SAMD4A: variants seen among roughly 807,000 people sequenced by gnomAD.
SAMD4A encodes the protein sterile alpha motif domain containing 4A.
In SAMD4A, 33 loss-of-function variants were observed where a neutral mutation model predicts 81.3. That is an observed-to-expected ratio of 0.41 (90% CI 0.31 to 0.54). The LOEUF is 0.54. Ranked by LOEUF, SAMD4A falls within the 20% of genes least tolerant of loss-of-function variation. The probability of loss-of-function intolerance (pLI) is 0.37; values close to 1 mark genes in which losing one functional copy is unlikely to be tolerated. For missense variants in SAMD4A, 854 were observed against 951.1 expected, an observed-to-expected ratio of 0.90 and a Z score of 1.34; for synonymous variants, 389 against 382.1, an observed-to-expected ratio of 1.02 and a Z score of -0.21.
intron 2 of SAMD4A, among the ~76,000 whole-genome samples, chr14:54,692,713 C>T (rs2036472455): frequency 6.6e-6 from 1 of 152,104 alleles, no homozygotes; most frequent in African/African-American, 2.4e-5. Context: ...AGAACACTTC[C>T]AGCCTCTCCT....
chr14:54,619,551 T>C (rs555132070), intron 2 of SAMD4A, among the ~76,000 whole-genome samples: 9 of 152,340 alleles, frequency 5.9e-5, no homozygotes, highest in African/African-American at 1.9e-4. Flanking sequence ...TTTTTTTTAA[T>C]TTAATTTTTT....
chr14:54,576,351 G>C (rs1303041871), intron 2 of SAMD4A, among the ~76,000 whole-genome samples: 9 of 152,114 alleles, frequency 5.9e-5, no homozygotes, highest in Admixed American at 5.9e-4. Flanking sequence ...ATTTTGAAGA[G>C]TGGTAAATGA....
intron 2 of SAMD4A, among the ~76,000 whole-genome samples, chr14:54,603,188 C>T (rs1308690475): frequency 6.6e-6 from 1 of 152,210 alleles, no homozygotes; most frequent in African/African-American, 2.4e-5. Flanking sequence ...GTTGGGTTTT[C>T]CTTTAGCTCA....
chr14:54,588,067 G>A (rs898721932), intron 2 of SAMD4A, among the ~76,000 whole-genome samples: 2 of 152,024 alleles, frequency 1.3e-5, no homozygotes, highest in Non-Finnish European at 2.9e-5. Context: ...CTCGCTGCTT[G>A]TTATTGGTCT....
intron 3 of SAMD4A, among the ~76,000 whole-genome samples, chr14:54,708,039 G>T (rs1308458347): frequency 6.6e-6 from 1 of 152,152 alleles, no homozygotes; most frequent in African/African-American, 2.4e-5. Context: ...ATTTTAAAAG[G>T]TTCTCTTTGG....
intron 2 of SAMD4A, among the ~76,000 whole-genome samples, chr14:54,573,545 C>G (rs1056552200): frequency 1.3e-5 from 2 of 152,148 alleles, no homozygotes; most frequent in Non-Finnish European, 2.9e-5. Flanking sequence ...CTTTGTGTAA[C>G]TCATTTGCTA....
chr14:54,600,642 A>T (rs991830559), intron 2 of SAMD4A, among the ~76,000 whole-genome samples: 4 of 152,202 alleles, frequency 2.6e-5, no homozygotes, highest in Non-Finnish European at 2.9e-5. Flanking sequence ...TGGAAAACAT[A>T]TTGAGAGCTT....
At chr14:54,577,513 T>A (rs115309649) in intron 2 of SAMD4A, among the ~76,000 whole-genome samples, 240 of 152,350 alleles carry the variant, frequency 1.6e-3, no homozygotes, top group African/African-American at 5.7e-3. Context: ...AGCCCCTACA[T>A]TGGCATCCCC....
chr14:54,643,944 C>T (rs1218287491), intron 2 of SAMD4A, among the ~76,000 whole-genome samples: 5 of 152,120 alleles, frequency 3.3e-5, no homozygotes, highest in Admixed American at 2.6e-4. Flanking sequence ...AAGGGCTTCA[C>T]ACTGGGCGGG....
chr14:54,638,783 C>A (rs559706435), intron 2 of SAMD4A, among the ~76,000 whole-genome samples: 3 of 152,026 alleles, frequency 2.0e-5, no homozygotes, highest in East Asian at 1.9e-4. Context: ...AAACTATTTA[C>A]AATAATTTCT....
chr14:54,786,730 C>T (rs1395782812), intron 12 of SAMD4A, among the ~76,000 whole-genome samples: 1 of 152,232 alleles, frequency 6.6e-6, no homozygotes, highest in Non-Finnish European at 1.5e-5. Context: ...TAAGTACCAA[C>T]ATTATCATCA....
chr14:54,614,512 T>A (rs944191809), intron 2 of SAMD4A, among the ~76,000 whole-genome samples: 4 of 152,196 alleles, frequency 2.6e-5, no homozygotes, highest in African/African-American at 9.6e-5. Flanking sequence ...AACTTGGGTA[T>A]TAATAACAAA....
intron 2 of SAMD4A, among the ~76,000 whole-genome samples, chr14:54,669,002 G>C (rs2035814424): frequency 6.6e-6 from 1 of 152,196 alleles, no homozygotes; most frequent in South Asian, 2.1e-4. Flanking sequence ...AGTGCCCGAG[G>C]CCATAGAGCA....
At chr14:54,576,159 G>A (rs1249451931) in intron 2 of SAMD4A, among the ~76,000 whole-genome samples, 1 of 151,964 alleles carries the variant, frequency 6.6e-6, no homozygotes, top group Non-Finnish European at 1.5e-5. Flanking sequence ...GCAGTCACTG[G>A]AATTTCTGAA....
At chr14:54,734,603 AG>A (rs1392727551) in intron 3 of SAMD4A, among the ~76,000 whole-genome samples, 1 of 152,222 alleles carries the variant, frequency 6.6e-6, no homozygotes, top group Non-Finnish European at 1.5e-5. Context: ...CCATTAAGTT[AG>A]GTAAACATTT....
At chr14:54,696,876 G>C (rs754538772) in intron 2 of SAMD4A, 6 of 152,184 alleles carry the variant, frequency 3.9e-5, no homozygotes, top group African/African-American at 1.4e-4. Flanking sequence ...AGAAAACATA[G>C]TAGAGGTGAG....
chr14:54,764,114 T>A (rs2038476542), intron 7 of SAMD4A, among the ~76,000 whole-genome samples: 1 of 152,232 alleles, frequency 6.6e-6, no homozygotes, highest in African/African-American at 2.4e-5. Context: ...TGGATACTTC[T>A]GAAGCCCCTC....
At chr14:54,777,280 G>A (rs8021250) in intron 11 of SAMD4A, among the ~76,000 whole-genome samples, 30,175 of 151,858 alleles carry the variant, frequency 0.2, 3,589 homozygotes, top group East Asian at 0.39. Flanking sequence ...CAGTAGAAAC[G>A]CTCTGTCCAG....
intron 2 of SAMD4A, among the ~76,000 whole-genome samples, chr14:54,611,480 T>TA (rs1262880231): frequency 6.6e-6 from 1 of 152,210 alleles, no homozygotes; most frequent in Non-Finnish European, 1.5e-5. Context: ...CTCTTCCTTA[T>TA]GCTAGCCTTT....
Sources: gnomAD v4.1 joint callset for allele counts (sites outside exome capture counted in the v4.1 genomes callset) on GRCh38, gnomAD v4.1.1 for gene constraint, MANE v1.5 for transcripts, NCBI Gene and HGNC (gene_info 2026-07-23, HGNC 2026-07-21) for gene names.